NALCN: variants seen among roughly 807,000 people sequenced by gnomAD.
NALCN encodes sodium leak channel, non-selective.
In NALCN, 111 loss-of-function variants were observed where a neutral mutation model predicts 225.3. The observed-to-expected ratio is 0.49, with a 90% CI of 0.42 to 0.58. The LOEUF is 0.58. NALCN is among the 20% of genes least tolerant of loss of function. NALCN has a pLI of 0.00. For missense variants in NALCN, 1,378 were observed against 2,202.4 expected (o/e 0.63, Z 7.49); for synonymous variants, 764 against 769.0 (o/e 0.99, Z 0.11).
chr13:101,297,182 T>C (rs1399663702), intron 7 of NALCN, among the ~76,000 whole-genome samples: 1 of 152,166 alleles, frequency 6.6e-6, no homozygotes, highest in Non-Finnish European at 1.5e-5. Context: ...GGTCATAAAA[T>C]TGTGATGATA....
chr13:101,397,728 ATAATG>A (rs570371759), intron 2 of NALCN, among the ~76,000 whole-genome samples: 4 of 151,998 alleles, frequency 2.6e-5, no homozygotes, highest in Non-Finnish European at 5.9e-5. Flanking sequence ...TACAATGTAT[ATAATG>A]TAAATATACA....
chr13:101,212,003 AT>A (rs1195585780), intron 13 of NALCN, among the ~76,000 whole-genome samples: 11 of 152,114 alleles, frequency 7.2e-5, no homozygotes, highest in Non-Finnish European at 1.5e-4. Context: ...ATTAAAAAAA[AT>A]AAAGTAAAAA....
intron 17 of NALCN, among the ~76,000 whole-genome samples, chr13:101,128,716 T>C (rs182273457): frequency 2.2e-3 from 331 of 150,492 alleles, no homozygotes; most frequent in African/African-American, 8.0e-3. Flanking sequence ...TGCCATCACA[T>C]ATAGCTAAGT....
intron 7 of NALCN, among the ~76,000 whole-genome samples, chr13:101,319,596 T>C (rs1284325697): frequency 6.6e-6 from 1 of 152,214 alleles, no homozygotes; most frequent in East Asian, 1.9e-4. Context: ...TTTTGGTACA[T>C]ACGTTCCCAT....
At chr13:101,119,572 C>T (rs926735422) in intron 18 of NALCN, among the ~76,000 whole-genome samples, 1 of 152,294 alleles carries the variant, frequency 6.6e-6, no homozygotes, top group South Asian at 2.1e-4. Flanking sequence ...TTCATTCAGC[C>T]TTGCAGGAAC....
chr13:101,197,467 G>A (rs2039940074), intron 13 of NALCN, among the ~76,000 whole-genome samples: 1 of 152,160 alleles, frequency 6.6e-6, no homozygotes, highest in Non-Finnish European at 1.5e-5. Flanking sequence ...TAGCAGGGGA[G>A]TTGGGTAATT....
At chr13:101,163,216 A>T (rs566669661) in intron 15 of NALCN, among the ~76,000 whole-genome samples, 95 of 152,118 alleles carry the variant, frequency 6.2e-4, no homozygotes, top group African/African-American at 2.1e-3. Context: ...ATATATATAT[A>T]TTTTAATTGA....
At chr13:101,106,226 G>A (rs113848233) in intron 22 of NALCN, among the ~76,000 whole-genome samples, 8 of 152,020 alleles carry the variant, frequency 5.3e-5, no homozygotes, top group East Asian at 1.9e-4. Flanking sequence ...TATTAGATTA[G>A]GGCCCACCCT....
In NALCN at chr13:101,104,993, A is replaced by G. The variant is rs1372668927; in HGVS notation, c.2580-43T>C. 6.4e-7 allele frequency: 1 copy of G among 1,559,734 alleles called. No individual in the cohort carries two copies. The highest frequency in any genetic ancestry group is 2.3e-5 in the East Asian group (1 of 44,440). On this transcript the variant is annotated intron_variant, in intron 22 of 43. Transcript: ENST00000251127. The surrounding 1 kb of genome is among the most constrained non-coding windows in gnomAD (Gnocchi z 4.2). Reference sequence around the variant, plus strand: ...TATAAAATTCTGCAACAAAGCAAGCATGTTTTAACTTGCTAAAAATCATAT... The same window carrying G: ...TATAAAATTCTGCAACAAAGCAAGCGTGTTTTAACTTGCTAAAAATCATAT...
At position 101,271,183 on chromosome 13, in the gene NALCN, G is replaced by C. The variant is rs201911467; in HGVS notation, c.1135-12609C>G. ...AAACTGTTTAATTGCCAGTAAGACAGATAAACAAATAAATAAAAATAACAC... is the reference window on the plus strand; with the variant it reads ...AAACTGTTTAATTGCCAGTAAGACACATAAACAAATAAATAAAAATAACAC... On this transcript the variant is annotated intron_variant, in intron 10 of 43. Coordinates refer to ENST00000251127, the MANE Select transcript of NALCN (RefSeq NM_052867.4). Among the ~76,000 whole-genome samples the C allele has an allele frequency of 4.3e-4, 65 of 152,098 alleles. No homozygotes were observed. The East Asian group carries it at 6.2e-3, about 14-fold the overall frequency.
At chr13:101,340,995 T>C (rs2045541474) in intron 7 of NALCN, among the ~76,000 whole-genome samples, 1 of 152,188 alleles carries the variant, frequency 6.6e-6, no homozygotes, top group Admixed American at 6.5e-5. Context: ...TATGCACATA[T>C]CTCTATTATA....
intron 15 of NALCN, among the ~76,000 whole-genome samples, chr13:101,164,221 A>C (rs1483318193): frequency 6.6e-6 from 1 of 152,090 alleles, no homozygotes; most frequent in Admixed American, 6.6e-5. Flanking sequence ...TTCTGTTTTG[A>C]ACTGACTTTT....
intron 1 of NALCN, among the ~76,000 whole-genome samples, chr13:101,401,059 G>A (rs569104327): frequency 3.9e-5 from 6 of 152,124 alleles, no homozygotes; most frequent in South Asian, 2.1e-4. Flanking sequence ...AGCCAGCGTC[G>A]TCAGGTATTT....
chr13:101,294,611 T>C (rs2043673681), intron 7 of NALCN, among the ~76,000 whole-genome samples: 1 of 148,366 alleles, frequency 6.7e-6, no homozygotes, highest in African/African-American at 2.5e-5. Flanking sequence ...GGGGGATCAC[T>C]GCCTTCTGGT....
At chr13:101,215,197 C>T (rs1032177971) in intron 13 of NALCN, among the ~76,000 whole-genome samples, 4 of 152,120 alleles carry the variant, frequency 2.6e-5, no homozygotes, top group Non-Finnish European at 4.4e-5. Flanking sequence ...GAAAGTTTAT[C>T]AATACCAATG....
chr13:101,201,488 C>T (rs1289782), intron 13 of NALCN, among the ~76,000 whole-genome samples: 13,516 of 152,158 alleles, frequency 0.089, 1,782 homozygotes, highest in African/African-American at 0.29. Context: ...GAACTTCATT[C>T]CCTTTTGTTG....
chr13:101,314,116 A>T (rs1033580268), intron 7 of NALCN, among the ~76,000 whole-genome samples: 5 of 136,648 alleles, frequency 3.7e-5, no homozygotes, highest in Non-Finnish European at 7.7e-5. Flanking sequence ...AACAATGAGA[A>T]CACATGGACA....
chr13:101,088,543 C>A (rs887882028), intron 30 of NALCN, among the ~76,000 whole-genome samples: 2 of 152,312 alleles, frequency 1.3e-5, no homozygotes, highest in East Asian at 3.9e-4. Context: ...TTATAAGCCC[C>A]AGACTAGTCA....
At chr13:101,337,277 A>ATTATTTATTTATTTAT (rs3062886) in intron 7 of NALCN, among the ~76,000 whole-genome samples, 2 of 142,560 alleles carry the variant, frequency 1.4e-5, no homozygotes, top group African/African-American at 5.3e-5. Context: ...TTTACTCTTT[A>ATTATTTATTTATTTAT]TTATTTATTT....
Sources: gnomAD v4.1 joint callset for allele counts (sites outside exome capture counted in the v4.1 genomes callset) on GRCh38, gnomAD v4.1.1 for gene constraint, Gnocchi (gnomAD v3.1) non-coding constraint, MANE v1.5 for transcripts, NCBI Gene and HGNC (gene_info 2026-07-23, HGNC 2026-07-21) for gene names.